KCNG3: variants seen among roughly 807,000 people sequenced by gnomAD.
KCNG3 encodes voltage-gated potassium channel regulatory subunit KCNG3.
Under a neutral mutation model 29.0 loss-of-function variants are expected in KCNG3, and 15 were observed. The observed-to-expected ratio is 0.52, with a 90% confidence interval of 0.35 to 0.80. The LOEUF (loss-of-function observed/expected upper bound fraction) is 0.80, where lower values mean the gene tolerates loss of function less well. KCNG3 is among the 30% of genes least tolerant of loss of function. The pLI, the probability that KCNG3 is intolerant of heterozygous loss-of-function variation, is 0.01. For synonymous variants in KCNG3, 322 were observed against 248.9 expected (o/e 1.29, Z -2.76); for missense variants, 512 against 605.7 (o/e 0.85, Z 1.62).
chr2:42,439,587 TAA>T (rs559704421), downstream of KCNG3, among the ~76,000 whole-genome samples: 4 of 122,810 alleles, frequency 3.3e-5, no homozygotes, highest in Admixed American at 2.5e-4. Flanking sequence ...ATTCAAACGT[TAA>T]AAAAAAAAAA....
intron 1 of KCNG3, among the ~76,000 whole-genome samples, chr2:42,488,769 C>G (rs374667453): frequency 6.6e-6 from 1 of 151,930 alleles, no homozygotes; most frequent in African/African-American, 2.4e-5. Flanking sequence ...TGGCTGGTCT[C>G]GAACTCCTGA....
chr2:42,464,946 G>C (rs1673103962), intron 1 of KCNG3, among the ~76,000 whole-genome samples: 1 of 150,806 alleles, frequency 6.6e-6, no homozygotes, highest in Non-Finnish European at 1.5e-5. Context: ...CCTAATCATG[G>C]CACTTAATAG....
the KCNG3 span, among the ~76,000 whole-genome samples, chr2:42,410,000 TAATC>T: frequency 1.3e-5 from 2 of 152,180 alleles, no homozygotes; most frequent in Non-Finnish European, 2.9e-5. Flanking sequence ...TTGGGTTTCA[TAATC>T]AAATATGAAT....
At chr2:42,469,444 G>A (rs949503196) in intron 1 of KCNG3, among the ~76,000 whole-genome samples, 1 of 150,568 alleles carries the variant, frequency 6.6e-6, no homozygotes, top group Non-Finnish European at 1.5e-5. Context: ...ATAGGATAGT[G>A]AACCTAGAAG....
intron 1 of KCNG3, among the ~76,000 whole-genome samples, chr2:42,461,642 G>C (rs1673020571): frequency 6.6e-6 from 1 of 152,002 alleles, no homozygotes; most frequent in Non-Finnish European, 1.5e-5. Flanking sequence ...TAATCTTCAG[G>C]TGCCACAATC....
the KCNG3 span, among the ~76,000 whole-genome samples, chr2:42,435,802 A>C: frequency 2.0e-5 from 3 of 152,204 alleles, no homozygotes; most frequent in Non-Finnish European, 4.4e-5. Context: ...GTGGGAATCA[A>C]ATTGCTCAGC....
At chr2:42,423,874 C>T in the KCNG3 span, among the ~76,000 whole-genome samples, 1 of 150,016 alleles carries the variant, frequency 6.7e-6, no homozygotes, top group Non-Finnish European at 1.5e-5. Context: ...CTTATTTTTT[C>T]CTCCCCATTT....
chr2:42,462,832 A>AT (rs1407899707), intron 1 of KCNG3, among the ~76,000 whole-genome samples: 5 of 152,284 alleles, frequency 3.3e-5, no homozygotes, highest in Non-Finnish European at 5.9e-5. Context: ...TTCAATACAA[A>AT]TTTACAAAGT....
At chr2:42,477,636 T>C (rs541843281) in intron 1 of KCNG3, among the ~76,000 whole-genome samples, 1 of 151,962 alleles carries the variant, frequency 6.6e-6, no homozygotes, top group South Asian at 2.1e-4. Flanking sequence ...CCTAGCACTT[T>C]GGGAGGCCGA....
the KCNG3 span, among the ~76,000 whole-genome samples, chr2:42,411,634 C>T: frequency 6.6e-6 from 1 of 152,074 alleles, no homozygotes; most frequent in East Asian, 1.9e-4. Flanking sequence ...AGGTGTGCAC[C>T]ACCACTCCCA....
chr2:42,441,650 A>C (rs942548118), downstream of KCNG3, among the ~76,000 whole-genome samples: 2 of 151,536 alleles, frequency 1.3e-5, no homozygotes, highest in Non-Finnish European at 2.9e-5. Context: ...GAGATTTCAC[A>C]CTTGTTACCT....
downstream of KCNG3, among the ~76,000 whole-genome samples, chr2:42,438,871 T>TTTTTTTTTTTTTTTTTTTTTTTTTGGA (rs1672420996): frequency 1.3e-5 from 2 of 152,142 alleles, no homozygotes; most frequent in African/African-American, 4.8e-5. Context: ...CCCAGGTTTC[T>TTTTTTTTTTTTTTTTTTTTTTTTTGGA]GAGTGCAGAT....
chr2:42,406,419 A>T, the KCNG3 span, among the ~76,000 whole-genome samples: 1 of 150,648 alleles, frequency 6.6e-6, no homozygotes, highest in Admixed American at 6.6e-5. Context: ...AGGTTTTTCC[A>T]TATTGGTCAG....
rs1558372229 is a variant in KCNG3, at chr2:42,443,694, G to T, written c.*240C>A. The stretch of plus-strand genomic sequence containing the variant: ...ATCATTCAAGGAAACGGGAAAACAA[G>T]TCTAAATAAAACCGGGTCCTAAAGT... On this transcript the variant is annotated 3_prime_UTR_variant, in exon 2 of 2. Coordinates refer to ENST00000306078, the MANE Select transcript of KCNG3 (RefSeq NM_133329.6). 4.4e-5 allele frequency: 17 copies of T among 383,536 alleles called. No individual in the cohort carries two copies. The highest frequency in any genetic ancestry group is 7.4e-5 in the Non-Finnish European group (16 of 215,922). The allele number at this position is 383,536 out of a possible 1,614,324, so 23.8% of individuals were successfully genotyped here.
chr2:42,431,767 G>A, the KCNG3 span, among the ~76,000 whole-genome samples: 1 of 152,214 alleles, frequency 6.6e-6, no homozygotes, highest in Non-Finnish European at 1.5e-5. Context: ...GCAGGGCATA[G>A]TGGCTTCTGC....
chr2:42,467,970 CAA>C (rs1290947746), intron 1 of KCNG3, among the ~76,000 whole-genome samples: 31 of 90,612 alleles, frequency 3.4e-4, no homozygotes, highest in Admixed American at 4.9e-4. Context: ...GACCCTGTCT[CAA>C]AAAAAAAAAA....
chr2:42,458,986 C>T (rs1672946391), intron 1 of KCNG3, among the ~76,000 whole-genome samples: 1 of 152,056 alleles, frequency 6.6e-6, no homozygotes. Flanking sequence ...TACCTGAGGT[C>T]AGGAGTTCAA....
At chr2:42,471,184 G>GTGTGTA (rs962557511) in intron 1 of KCNG3, among the ~76,000 whole-genome samples, 35 of 147,958 alleles carry the variant, frequency 2.4e-4, no homozygotes, top group African/African-American at 8.4e-4. Flanking sequence ...GTGTGTGTGT[G>GTGTGTA]TATATATATA....
At chr2:42,411,870 T>C in the KCNG3 span, among the ~76,000 whole-genome samples, 1 of 152,226 alleles carries the variant, frequency 6.6e-6, no homozygotes, top group African/African-American at 2.4e-5. Context: ...CTCATCTACT[T>C]CTCTGTTTCC....
Sources: gnomAD v4.1 joint callset for allele counts (sites outside exome capture counted in the v4.1 genomes callset) on GRCh38, gnomAD v4.1.1 for gene constraint, MANE v1.5 for transcripts, NCBI Gene and HGNC (gene_info 2026-07-23, HGNC 2026-07-21) for gene names.